The following CDH13 variants were observed in gnomAD, a reference collection of about 807,000 sequenced individuals.
CDH13 encodes the protein cadherin-13.
In CDH13, 24 loss-of-function variants were observed where a neutral mutation model predicts 63.8. The ratio of observed to expected loss-of-function variants is 0.38; its 90% CI spans 0.27 to 0.53. The LOEUF is 0.53. CDH13 is among the 20% of genes least tolerant of loss of function. The probability of loss-of-function intolerance (pLI) is 0.85; values close to 1 mark genes in which losing one functional copy is unlikely to be tolerated. For synonymous variants in CDH13, 503 were observed against 355.3 expected, an observed-to-expected ratio of 1.42 and a Z score of -4.67; for missense variants, 1,049 against 903.1, an observed-to-expected ratio of 1.16 and a Z score of -2.07.
At chr16:83,794,888 A>G (rs979732677) in intron 13 of CDH13, 135 bp from the exon 14 acceptor site, 54 of 803,688 alleles carry the variant, frequency 6.7e-5, no homozygotes, top group Non-Finnish European at 1.0e-4. Context: ...TAAGGAAAAA[A>G]AAAATTCCCC....
chr16:83,200,543 C>G (rs1304081962), intron 4 of CDH13, among the ~76,000 whole-genome samples: 2 of 152,196 alleles, frequency 1.3e-5, no homozygotes, highest in East Asian at 3.9e-4. Context: ...ATCCCTGTAT[C>G]CTTGTGGGTT....
intron 11 of CDH13, among the ~76,000 whole-genome samples, chr16:83,768,143 G>A (rs182001693): frequency 2.0e-5 from 3 of 152,070 alleles, no homozygotes; most frequent in African/African-American, 4.8e-5. Flanking sequence ...TTTTATATAT[G>A]TCTTTCTAAT....
At chr16:83,576,940 G>A (rs1905125055) in intron 7 of CDH13, among the ~76,000 whole-genome samples, 1 of 152,162 alleles carries the variant, frequency 6.6e-6, no homozygotes, top group Admixed American at 6.5e-5. Flanking sequence ...ATTCCATTCT[G>A]TAAGTTGTCT....
chr16:82,788,888 G>T (rs990668732), intron 1 of CDH13, among the ~76,000 whole-genome samples: 2 of 152,150 alleles, frequency 1.3e-5, no homozygotes, highest in African/African-American at 4.8e-5. Context: ...TAAGCCTTTG[G>T]ATCAACTTTT....
chr16:83,010,309 A>C (rs1022084430), intron 2 of CDH13, among the ~76,000 whole-genome samples: 4 of 152,046 alleles, frequency 2.6e-5, no homozygotes, highest in Admixed American at 2.6e-4. Flanking sequence ...GAGGTCAGAG[A>C]GGTTAACACT....
intron 6 of CDH13, among the ~76,000 whole-genome samples, chr16:83,381,016 C>G (rs933873064): frequency 1.3e-5 from 2 of 151,982 alleles, no homozygotes; most frequent in Admixed American, 6.6e-5. Context: ...AACTATGTTC[C>G]TATCCATTTA....
intron 1 of CDH13, among the ~76,000 whole-genome samples, chr16:82,767,467 C>T (rs1367740649): frequency 6.6e-6 from 1 of 152,136 alleles, no homozygotes; most frequent in Non-Finnish European, 1.5e-5. Flanking sequence ...GTTGTTGCAC[C>T]GATGTGCTTT....
chr16:83,286,531 G>A (rs868617380), intron 5 of CDH13, among the ~76,000 whole-genome samples: 16 of 151,976 alleles, frequency 1.1e-4, no homozygotes, highest in East Asian at 3.9e-4. Context: ...CAAGGCAGAC[G>A]GATTGCCTGA....
At chr16:82,890,106 G>A (rs900196889) in intron 2 of CDH13, among the ~76,000 whole-genome samples, 7 of 152,178 alleles carry the variant, frequency 4.6e-5, no homozygotes, top group Admixed American at 3.3e-4. Flanking sequence ...CCCAGCCTTC[G>A]TGATTCTAGA....
At chr16:83,474,994 A>G (rs1329117335) in intron 6 of CDH13, among the ~76,000 whole-genome samples, 2 of 152,252 alleles carry the variant, frequency 1.3e-5, no homozygotes, top group Non-Finnish European at 1.5e-5. Flanking sequence ...AGGCCGAGAC[A>G]CTGAGTGTCC....
chr16:83,617,580 CTAATATA>C (rs1909398272), intron 8 of CDH13, among the ~76,000 whole-genome samples: 1 of 151,122 alleles, frequency 6.6e-6, no homozygotes, highest in African/African-American at 2.4e-5. Context: ...ATATTCAATT[CTAATATA>C]TATCTATTCT....
chr16:83,526,550 G>T (rs529265661), intron 7 of CDH13, among the ~76,000 whole-genome samples: 1 of 152,134 alleles, frequency 6.6e-6, no homozygotes, highest in Non-Finnish European at 1.5e-5. Context: ...ACAGGATACC[G>T]AGCTCAGATG....
At chr16:83,293,900 G>A (rs1037116373) in intron 5 of CDH13, among the ~76,000 whole-genome samples, 1 of 152,042 alleles carries the variant, frequency 6.6e-6, no homozygotes, top group Non-Finnish European at 1.5e-5. Flanking sequence ...ATTATACTAT[G>A]CCCTTAGCAT....
chr16:82,839,991 C>A (rs2038938482), intron 1 of CDH13, among the ~76,000 whole-genome samples: 1 of 152,118 alleles, frequency 6.6e-6, no homozygotes, highest in Admixed American at 6.5e-5. Context: ...AGTAATTGAA[C>A]TTCTGGACTC....
chr16:83,708,887 G>T (rs1402550011), intron 10 of CDH13, among the ~76,000 whole-genome samples: 1 of 152,146 alleles, frequency 6.6e-6, no homozygotes, highest in African/African-American at 2.4e-5. Flanking sequence ...AGCTGAGTGT[G>T]GTGGCATACA....
intron 6 of CDH13, among the ~76,000 whole-genome samples, chr16:83,351,750 A>G (rs891522079): frequency 6.6e-6 from 1 of 152,220 alleles, no homozygotes; most frequent in Admixed American, 6.5e-5. Flanking sequence ...GATTAATGGG[A>G]TGGCGGATAT....
At chr16:83,336,880 G>A (rs564363786) in intron 5 of CDH13, among the ~76,000 whole-genome samples, 28 of 152,132 alleles carry the variant, frequency 1.8e-4, no homozygotes, top group Admixed American at 3.9e-4. Flanking sequence ...GCCAGCTTCT[G>A]CATTTTGGCC....
At chr16:83,591,283 C>T (rs938421145) in intron 7 of CDH13, among the ~76,000 whole-genome samples, 2 of 152,192 alleles carry the variant, frequency 1.3e-5, no homozygotes, top group Non-Finnish European at 2.9e-5. Flanking sequence ...CATAATGTTG[C>T]TATGTCAGGG....
chr16:83,548,706 A>G (rs1259896251), intron 7 of CDH13, among the ~76,000 whole-genome samples: 3 of 151,750 alleles, frequency 2.0e-5, no homozygotes, highest in Non-Finnish European at 4.4e-5. Flanking sequence ...CTAAATTTTC[A>G]CCATCCCCCA....
Sources: allele counts gnomAD v4.1 joint callset (sites outside exome capture counted in the v4.1 genomes callset), GRCh38; gene constraint gnomAD v4.1.1; transcripts MANE v1.5; gene names NCBI Gene and HGNC (gene_info 2026-07-23, HGNC 2026-07-21).